ZNF469: variants seen among roughly 807,000 people sequenced by gnomAD.
The protein encoded by ZNF469 is zinc finger protein 469.
A neutral mutation model predicts 1.0 loss-of-function variants in ZNF469; 1 was observed. That is an observed-to-expected ratio of 1.00 (90% CI 0.35 to 4.73). The LOEUF (loss-of-function observed/expected upper bound fraction) is 4.73, where lower values mean the gene tolerates loss of function less well. Among genes scored for constraint, ZNF469 ranks in the 30% most tolerant of loss-of-function variants. The pLI is 0.16. For synonymous variants in ZNF469, 2,703 were observed against 2,363.4 expected, an observed-to-expected ratio of 1.14 and a Z score of -4.17; for missense variants, 6,100 against 5,356.3, an observed-to-expected ratio of 1.14 and a Z score of -4.33.
chr16:88,130,929 C>T, the ZNF469 span, among the ~76,000 whole-genome samples: 2 of 152,252 alleles, frequency 1.3e-5, no homozygotes, highest in African/African-American at 4.8e-5. Context: ...CAGAGACAGG[C>T]GGAAGTGGCG....
At chr16:88,259,208 G>C in the ZNF469 span, among the ~76,000 whole-genome samples, 7 of 152,210 alleles carry the variant, frequency 4.6e-5, no homozygotes, top group Admixed American at 2.0e-4. This position sits in a 1 kb window ranked among gnomAD's most constrained non-coding sequence, Gnocchi z 4.1. Flanking sequence ...ACCGGCTTGT[G>C]AGTGGGAAGC....
chr16:88,436,719 C>G lies in ZNF469; in HGVS notation c.9249C>G (p.Ser3083Arg), dbSNP rs1475786487. The G allele has an allele frequency of 1.1e-5, 17 of 1,549,056 alleles. No homozygotes were observed. The highest frequency in any genetic ancestry group is 3.6e-5 in the South Asian group (3 of 84,028). ...TCTTAGACTTCGAGGGCACGGCGAG[C>G]TCACAGGGGCCACAGAGCCGAAGGA... Reference protein sequence around the residue: ...PSFLDFEGTASSQGPQSRRTE... With the variant: ...PSFLDFEGTARSQGPQSRRTE... The change falls in exon 3 of 3, where the codon AGC becomes AGG. Residue 3083 changes from serine to arginine, a missense_variant. Coordinates refer to ENST00000565624, the MANE Select transcript of ZNF469 (RefSeq NM_001367624.2).
intron 1 of ZNF469, among the ~76,000 whole-genome samples, chr16:88,389,484 G>T (rs1010085622): frequency 6.6e-6 from 1 of 152,258 alleles, no homozygotes; most frequent in South Asian, 2.1e-4. Context: ...TACCGCTTCT[G>T]TGTGGGCACC....
At chr16:88,296,801 T>C in the ZNF469 span, among the ~76,000 whole-genome samples, 4 of 151,838 alleles carry the variant, frequency 2.6e-5, no homozygotes, top group African/African-American at 9.7e-5. Context: ...ACACACATGG[T>C]AGTGCACACA....
At chr16:88,238,987 G>T in the ZNF469 span, among the ~76,000 whole-genome samples, 1 of 152,232 alleles carries the variant, frequency 6.6e-6, no homozygotes, top group Non-Finnish European at 1.5e-5. Flanking sequence ...ACTGTGTGAG[G>T]CTGGGTGAGT....
the ZNF469 span, among the ~76,000 whole-genome samples, chr16:88,167,107 G>C: frequency 6.8e-6 from 1 of 146,022 alleles, no homozygotes; most frequent in Non-Finnish European, 1.5e-5. Flanking sequence ...TGTCCTCCAG[G>C]CTGGAGTGCA....
the ZNF469 span, among the ~76,000 whole-genome samples, chr16:88,304,420 A>C: frequency 6.6e-6 from 1 of 152,194 alleles, no homozygotes; most frequent in Non-Finnish European, 1.5e-5. Flanking sequence ...AGGACAGAGG[A>C]ATCTGCAGGG....
intron 1 of ZNF469, among the ~76,000 whole-genome samples, chr16:88,397,581 A>G (rs1341038398): frequency 6.7e-6 from 1 of 149,618 alleles, no homozygotes; most frequent in East Asian, 2.0e-4. Flanking sequence ...GCATATATGT[A>G]TGTAGTATGT....
chr16:88,230,537 T>C, the ZNF469 span, among the ~76,000 whole-genome samples: 2 of 137,566 alleles, frequency 1.5e-5, no homozygotes, highest in African/African-American at 5.8e-5. Context: ...GCAAGTCGGG[T>C]GGGAAAGGAG....
At chr16:88,296,840 ACG>A in the ZNF469 span, among the ~76,000 whole-genome samples, 998 of 152,280 alleles carry the variant, frequency 6.6e-3, 9 homozygotes, top group African/African-American at 0.023. Context: ...GCACACACTC[ACG>A]CACCCACACC....
At position 88,433,657 on chromosome 16, in the gene ZNF469, A is replaced by G; in HGVS notation, c.6187A>G (p.Arg2063Gly). ...CACCCCAAGCCCCCCGTCCCCTAAT[A>G]GGGAGTCCCTGGCGCTGGCCTTGAC... ...EPTPSPPSPN[R>G]ESLALALTAA... Residue 2063 changes from arginine to glycine, a missense_variant, in exon 3 of 3, where the codon AGG becomes GGG. By Grantham distance (125) the Arg-to-Gly change is moderately radical. Transcript: ENST00000565624. The G allele has an allele frequency of 2.6e-6, 4 of 1,550,106 alleles. No homozygotes were observed. Among genetic ancestry groups the G allele is most frequent in the Non-Finnish European group, 2.6e-6 (3 of 1,146,874 alleles).
At chr16:88,330,682 C>T in the ZNF469 span, among the ~76,000 whole-genome samples, 1 of 152,182 alleles carries the variant, frequency 6.6e-6, no homozygotes, top group Non-Finnish European at 1.5e-5. Context: ...AGGTGAGAGA[C>T]TTCTGCCCCC....
Position 88,434,141 on chromosome 16 carries a change from A to T in ZNF469, c.6671A>T (p.Asp2224Val), listed in dbSNP as rs1597211489. The T allele has an allele frequency of 5.8e-6, 9 of 1,550,146 alleles. No homozygotes were observed. Among genetic ancestry groups the T allele is most frequent in the Non-Finnish European group, 7.0e-6 (8 of 1,146,894 alleles). Reference sequence around the variant, plus strand: ...CAGGGGGAGGGCAGCCCCCTGGAAGACCCTTCCTCCTGGCCTCCTGGCTCC... The same window carrying T: ...CAGGGGGAGGGCAGCCCCCTGGAAGTCCCTTCCTCCTGGCCTCCTGGCTCC... ...LLQGEGSPLE[D>V]PSSWPPGSVS... The change falls in exon 3 of 3, where the codon GAC becomes GTC. Residue 2224 changes from aspartate to valine, a missense_variant. Physicochemically the swap from Asp to Val is radical, Grantham distance 152. Coordinates refer to ENST00000565624, the MANE Select transcript of ZNF469 (RefSeq NM_001367624.2).
chr16:88,374,692 G>A, the ZNF469 span, among the ~76,000 whole-genome samples: 1 of 125,178 alleles, frequency 8.0e-6, no homozygotes, highest in African/African-American at 3.6e-5. Context: ...AAAGAGCTGC[G>A]TGTGCAGTGG....
rs1362830522 is a variant in ZNF469, at chr16:88,435,163, C to G, written c.7693C>G (p.Pro2565Ala). The G allele has an allele frequency of 6.4e-7, 1 of 1,550,388 alleles. No homozygotes were observed. The change falls in exon 3 of 3, where the codon CCG (proline) becomes GCG (alanine). Residue 2565 changes from proline to alanine, a missense_variant. Physicochemically the swap from Pro to Ala is conservative, Grantham distance 27. Transcript: ENST00000565624. ...AQGSKEVLRA[P>A]GSPHSQQLHP... The stretch of plus-strand genomic sequence containing the variant: ...GGGCTCAAAGGAGGTTCTCAGAGCA[C>G]CGGGGTCCCCACACAGCCAGCAGCT...
At chr16:88,348,276 T>C in the ZNF469 span, among the ~76,000 whole-genome samples, 1 of 152,184 alleles carries the variant, frequency 6.6e-6, no homozygotes, top group Admixed American at 6.5e-5. Flanking sequence ...TGTGGCCACA[T>C]TGCTGCTGTC....
the ZNF469 span, among the ~76,000 whole-genome samples, chr16:88,307,764 G>T: frequency 6.6e-6 from 1 of 152,272 alleles, no homozygotes; most frequent in East Asian, 1.9e-4. Flanking sequence ...TATATGGTTT[G>T]CAAAAGTTTT....
chr16:88,200,917 C>T, the ZNF469 span, among the ~76,000 whole-genome samples: 14 of 152,252 alleles, frequency 9.2e-5, no homozygotes, highest in African/African-American at 2.2e-4. Flanking sequence ...GGAGACTGGA[C>T]GGTGGGCTCT....
the ZNF469 span, among the ~76,000 whole-genome samples, chr16:88,120,788 G>A: frequency 1.3e-5 from 2 of 152,180 alleles, no homozygotes; most frequent in African/African-American, 4.8e-5. Flanking sequence ...CTTGTCGACG[G>A]CGTCTCGTAT....
Sources: gnomAD v4.1 joint callset for allele counts (sites outside exome capture counted in the v4.1 genomes callset) on GRCh38, gnomAD v4.1.1 for gene constraint, Gnocchi (gnomAD v3.1) non-coding constraint, MANE v1.5 for transcripts, NCBI Gene and HGNC (gene_info 2026-07-23, HGNC 2026-07-21) for gene names.